Variants in TANGO6 observed in about 807,000 individuals in gnomAD.
The protein encoded by TANGO6 is transport and Golgi organization protein 6 homolog.
A neutral mutation model predicts 114.2 loss-of-function variants in TANGO6; 90 were observed. That is an observed-to-expected ratio of 0.79 (90% CI 0.66 to 0.94). The LOEUF (loss-of-function observed/expected upper bound fraction) is 0.94. Ranked by LOEUF, TANGO6 falls within the 40% of genes least tolerant of loss-of-function variation. The probability of loss-of-function intolerance (pLI) is 0.00; values close to 1 mark genes in which losing one functional copy is unlikely to be tolerated. For missense variants in TANGO6, 1,274 were observed against 1,315.3 expected (o/e 0.97, Z 0.49); for synonymous variants, 477 against 509.8 (o/e 0.94, Z 0.87).
intron 17 of TANGO6, among the ~76,000 whole-genome samples, chr16:69,070,443 G>A (rs1960281991): frequency 1.3e-5 from 2 of 151,800 alleles, no homozygotes; most frequent in African/African-American, 4.8e-5. Flanking sequence ...GACCAGCCTG[G>A]CCAACATGGT....
rs1310518812 is a variant in TANGO6, at chr16:69,083,699, A to G, written c.*38A>G. On this transcript the variant is annotated 3_prime_UTR_variant, in exon 18 of 18. Transcript: ENST00000261778. ...GGACGTGGAGGAGGCAGGCAGGGCC[A>G]GGCACCCAGAGCCGTGCCCAGGTCT... 3 of 1,540,114 alleles carry G rather than the reference A, an allele frequency of 1.9e-6. No individual in the cohort carries two copies. Among genetic ancestry groups the G allele is most frequent in the Non-Finnish European group, 2.6e-6 (3 of 1,140,738 alleles).
rs368736182 is a variant in TANGO6, at chr16:68,875,218, C to G, written c.1059C>G (p.Ile353Met). Residue 353 changes from isoleucine (I) to methionine (M), a missense_variant, in exon 5 of 18, where the codon ATC becomes ATG. Physicochemically the swap from Ile to Met is conservative, Grantham distance 10 (BLOSUM62 1). Transcript: ENST00000261778. ...CTGACTGGAAGAAGTGTGACCTGAT[C>G]GCAAAGATTTTGGCCTCTTGTCCCC... ...TAADWKKCDL[I>M]AKILASCPQQ... 2 of 1,613,668 alleles carry G rather than the reference C, an allele frequency of 1.2e-6. No individual in the cohort carries two copies. Among genetic ancestry groups the G allele is most frequent in the Non-Finnish European group, 8.5e-7 (1 of 1,179,740 alleles).
intron 4 of TANGO6, among the ~76,000 whole-genome samples, chr16:68,869,883 G>C (rs766673982): frequency 3.9e-5 from 6 of 152,334 alleles, no homozygotes; most frequent in Middle Eastern, 6.8e-3. Context: ...AAATCTCCAC[G>C]TGGGTAGAGT....
chr16:68,969,040 C>T (rs1597041090), intron 14 of TANGO6, among the ~76,000 whole-genome samples: 2 of 152,280 alleles, frequency 1.3e-5, no homozygotes, highest in South Asian at 2.1e-4. Flanking sequence ...GTTCAGAATG[C>T]GTCTGTGAAC....
intron 16 of TANGO6, among the ~76,000 whole-genome samples, chr16:69,038,285 C>G (rs1330451264): frequency 6.6e-6 from 1 of 152,034 alleles, no homozygotes; most frequent in Non-Finnish European, 1.5e-5. Flanking sequence ...AAAAAATTAA[C>G]CGGGCATGGT....
Position 69,083,787 on chromosome 16 carries a change from T to C in TANGO6, c.*126T>C. ...GCATGGCTGACCCTCGGGGTGGTTTTATGGTGCAGGTCACTTGGGTCTTCA... is the reference window on the plus strand; with the variant it reads ...GCATGGCTGACCCTCGGGGTGGTTTCATGGTGCAGGTCACTTGGGTCTTCA... On this transcript the variant is annotated 3_prime_UTR_variant, in exon 18 of 18. Transcript: ENST00000261778. 9.0e-7 allele frequency: 1 copy of C among 1,110,002 alleles called. No individual in the cohort carries two copies. The highest frequency in any genetic ancestry group is 1.3e-6 in the Non-Finnish European group (1 of 795,594). The allele number at this position is 1,110,002 out of a possible 1,614,324, so 68.8% of individuals were successfully genotyped here.
chr16:69,024,811 CT>C (rs957197601), intron 16 of TANGO6, among the ~76,000 whole-genome samples: 1 of 150,992 alleles, frequency 6.6e-6, no homozygotes, highest in African/African-American at 2.4e-5. Context: ...TTTAAATTAC[CT>C]TTTTTTTTAT....
intron 12 of TANGO6, among the ~76,000 whole-genome samples, chr16:68,926,214 C>T (rs1356036617): frequency 2.0e-5 from 3 of 152,110 alleles, no homozygotes; most frequent in Non-Finnish European, 2.9e-5. Flanking sequence ...AATGTCTCGG[C>T]CGGGCACCGT....
intron 15 of TANGO6, 114 bp from the exon 16 acceptor site, chr16:69,022,710 AAAAT>A: frequency 8.1e-7 from 1 of 1,240,044 alleles, no homozygotes. Context: ...TCTCAAAAAA[AAAAT>A]AAAAACAAAA....
intron 17 of TANGO6, among the ~76,000 whole-genome samples, chr16:69,061,750 TGG>T (rs1960120539): frequency 7.9e-5 from 12 of 152,126 alleles, no homozygotes; most frequent in Admixed American, 7.9e-4. Flanking sequence ...GGGCGCGCGG[TGG>T]CTCACGCCTG....
intron 14 of TANGO6, among the ~76,000 whole-genome samples, chr16:68,934,696 T>C (rs963961754): frequency 4.6e-5 from 7 of 152,208 alleles, no homozygotes; most frequent in African/African-American, 7.2e-5. Context: ...ACACAAGTCA[T>C]CCTGTACTTT....
chr16:69,076,515 T>A (rs1260705959), intron 17 of TANGO6, among the ~76,000 whole-genome samples: 7 of 152,224 alleles, frequency 4.6e-5, no homozygotes, highest in Non-Finnish European at 7.3e-5. Flanking sequence ...TGTAAATGAC[T>A]GGCTAAAACA....
At chr16:68,984,971 T>C (rs1227230043) in intron 15 of TANGO6, among the ~76,000 whole-genome samples, 1 of 150,142 alleles carries the variant, frequency 6.7e-6, no homozygotes, top group Non-Finnish European at 1.5e-5. Flanking sequence ...TATATACTGC[T>C]TTTTTTTTTC....
intron 17 of TANGO6, among the ~76,000 whole-genome samples, chr16:69,043,182 C>T (rs1208572980): frequency 2.6e-5 from 4 of 152,070 alleles, no homozygotes; most frequent in South Asian, 2.1e-4. Context: ...GCCAAGATCG[C>T]GCCACTGCAC....
At chr16:68,976,938 A>G (rs1963770410) in intron 15 of TANGO6, among the ~76,000 whole-genome samples, 1 of 152,210 alleles carries the variant, frequency 6.6e-6, no homozygotes, top group Non-Finnish European at 1.5e-5. Flanking sequence ...TATACTCACT[A>G]GCCTATTATC....
At chr16:68,987,330 T>A (rs995747159) in intron 15 of TANGO6, among the ~76,000 whole-genome samples, 5 of 152,208 alleles carry the variant, frequency 3.3e-5, no homozygotes, top group African/African-American at 1.2e-4. Context: ...CATAGGCTAT[T>A]TAAATTTTAA....
chr16:69,051,288 C>G (rs1959944327), intron 17 of TANGO6, among the ~76,000 whole-genome samples: 1 of 152,064 alleles, frequency 6.6e-6, no homozygotes, highest in Admixed American at 6.6e-5. Flanking sequence ...CGCCTGTAAT[C>G]CCAGCAGTTT....
At chr16:68,899,723 C>T (rs1962758277) in intron 7 of TANGO6, among the ~76,000 whole-genome samples, 2 of 152,028 alleles carry the variant, frequency 1.3e-5, no homozygotes, top group Non-Finnish European at 2.9e-5. Flanking sequence ...CCTCAGCCTA[C>T]CACGTAGTTA....
intron 14 of TANGO6, among the ~76,000 whole-genome samples, chr16:68,931,446 T>C (rs1342488730): frequency 6.6e-6 from 1 of 152,242 alleles, no homozygotes; most frequent in Non-Finnish European, 1.5e-5. Flanking sequence ...CAAAACCTTG[T>C]GTGTGAATGT....
Sources: gnomAD v4.1 joint callset for allele counts (sites outside exome capture counted in the v4.1 genomes callset) on GRCh38, gnomAD v4.1.1 for gene constraint, MANE v1.5 for transcripts, NCBI Gene and HGNC (gene_info 2026-07-23, HGNC 2026-07-21) for gene names.